The following ASTN1 variants were observed in gnomAD, a reference collection of about 807,000 sequenced individuals.
ASTN1 encodes astrotactin-1.
ASTN1 carries 41 observed loss-of-function variants against 140.7 expected under a neutral mutation model. The ratio of observed to expected loss-of-function variants is 0.29; its 90% confidence interval spans 0.23 to 0.38. ASTN1 has a LOEUF of 0.38. Ranked by LOEUF, ASTN1 falls within the 10% of genes least tolerant of loss-of-function variation. The pLI, the probability that ASTN1 is intolerant of heterozygous loss-of-function variation, is 1.00. For missense variants in ASTN1, 1,479 were observed against 1,678.8 expected (o/e 0.88, Z 2.08); for synonymous variants, 640 against 652.2 (o/e 0.98, Z 0.29).
chr1:176,861,598 T>C lies in ASTN1; in HGVS notation c.*2686A>G. On this transcript the variant is annotated 3_prime_UTR_variant, in exon 23 of 23. Transcript: ENST00000361833. ...AGTCAATTGTACAACCATCCTAAGA[T>C]TTTCCCCTGCCCTGTTCATATCAGC... 2.0e-6 allele frequency: 2 copies of C among 985,560 alleles called. No individual in the cohort carries two copies. The highest frequency in any genetic ancestry group is 2.4e-6 in the Non-Finnish European group (2 of 829,954). 61.1% of individuals were successfully genotyped at this position (985,560 alleles called of 1,614,324 possible).
At chr1:176,988,329 A>AAC (rs1558012693) in intron 8 of ASTN1, among the ~76,000 whole-genome samples, 2 of 151,724 alleles carry the variant, frequency 1.3e-5, no homozygotes, top group African/African-American at 4.8e-5. Context: ...AAAAAAAAAA[A>AAC]AAAACCTTTC....
intron 8 of ASTN1, among the ~76,000 whole-genome samples, chr1:177,006,388 AT>A (rs1323317408): frequency 1.3e-5 from 2 of 151,266 alleles, no homozygotes; most frequent in Non-Finnish European, 2.9e-5. Context: ...TAATGAATGT[AT>A]TTTTTTCTAT....
chr1:176,902,144 C>T (rs939370965), intron 16 of ASTN1, among the ~76,000 whole-genome samples: 1 of 151,690 alleles, frequency 6.6e-6, no homozygotes, highest in African/African-American at 2.4e-5. Context: ...CTGGAATGTT[C>T]GAGAAAAGAT....
chr1:177,153,974 C>G (rs1030210232), intron 1 of ASTN1, among the ~76,000 whole-genome samples: 4 of 152,110 alleles, frequency 2.6e-5, no homozygotes, highest in African/African-American at 9.7e-5. Context: ...AATATTAATA[C>G]TACTGATGAG....
Position 176,949,329 on chromosome 1 carries a change from A to G in ASTN1, c.1910T>C (p.Met637Thr), listed in dbSNP as rs1244131323. Residue 637 changes from methionine to threonine, a missense_variant, in exon 12 of 23, where the codon ATG becomes ACG. Physicochemically the swap from Met to Thr is moderately conservative, Grantham distance 81. This residue lies in a region of ASTN1 where 729 missense variants were observed against 860.4 expected (regional missense o/e 0.85). Transcript: ENST00000361833. ...GCVCPSGLSP[M>T]KDSSGCYDRH... ...GTCATAGCAGCCAGAGCTGTCCTTCATGGGACTGAGTCCAGATGGGCACTG... is the reference window on the plus strand; with the variant it reads ...GTCATAGCAGCCAGAGCTGTCCTTCGTGGGACTGAGTCCAGATGGGCACTG... 8.1e-6 allele frequency: 13 copies of G among 1,614,052 alleles called. No individual in the cohort carries two copies. Among genetic ancestry groups the G allele is most frequent in the Non-Finnish European group, 1.1e-5 (13 of 1,180,012 alleles).
In ASTN1 at chr1:177,034,844, C is replaced by T. The variant is rs112811391; in HGVS notation, c.472-1995G>A. Reference sequence around the variant, plus strand: ...AGACATTGAATTAAGCTAGTGAAAACGAGAGGTAATTTTATTCCCTAAGGA... The same window carrying T: ...AGACATTGAATTAAGCTAGTGAAAATGAGAGGTAATTTTATTCCCTAAGGA... On this transcript the variant is annotated intron_variant, in intron 2 of 22. Coordinates refer to ENST00000361833, the MANE Select transcript of ASTN1 (RefSeq NM_004319.3). 5.2e-3 allele frequency among the ~76,000 whole-genome samples: 786 copies of T among 152,274 alleles called. 5 individuals carry two copies. Among genetic ancestry groups the T allele is most frequent in the Non-Finnish European group, 6.7e-3 (459 of 68,028 alleles).
intron 11 of ASTN1, among the ~76,000 whole-genome samples, chr1:176,949,861 G>T (rs918265654): frequency 6.6e-6 from 1 of 152,198 alleles, no homozygotes; most frequent in African/African-American, 2.4e-5. Context: ...CCTGAAGGAG[G>T]AAGTGAACAT....
At chr1:177,131,588 A>G (rs1373666343) in intron 1 of ASTN1, among the ~76,000 whole-genome samples, 1 of 152,144 alleles carries the variant, frequency 6.6e-6, no homozygotes, top group Non-Finnish European at 1.5e-5. Flanking sequence ...TTTAAATGAA[A>G]AACCAAGATT....
At chr1:177,103,133 G>A (rs1021472617) in intron 1 of ASTN1, among the ~76,000 whole-genome samples, 6 of 152,212 alleles carry the variant, frequency 3.9e-5, no homozygotes, top group Non-Finnish European at 8.8e-5. Context: ...TACCATGTGA[G>A]CATTAGTGCA....
chr1:176,924,343 T>C (rs1269983642), intron 16 of ASTN1, among the ~76,000 whole-genome samples: 1 of 152,198 alleles, frequency 6.6e-6, no homozygotes, highest in Non-Finnish European at 1.5e-5. Flanking sequence ...CTGTTTCCCA[T>C]CTCTGCATGA....
chr1:177,088,723 T>C (rs1352031452), intron 1 of ASTN1, among the ~76,000 whole-genome samples: 2 of 152,172 alleles, frequency 1.3e-5, no homozygotes, highest in African/African-American at 4.8e-5. Flanking sequence ...TTTCTGCCCC[T>C]CTGCCTTCCA....
intron 16 of ASTN1, among the ~76,000 whole-genome samples, chr1:176,896,061 A>G (rs1669489086): frequency 6.6e-6 from 1 of 152,170 alleles, no homozygotes; most frequent in South Asian, 2.1e-4. Flanking sequence ...GATATGACTC[A>G]TCGACTTTAT....
At chr1:177,146,580 T>C (rs1682729471) in intron 1 of ASTN1, among the ~76,000 whole-genome samples, 1 of 152,314 alleles carries the variant, frequency 6.6e-6, no homozygotes, top group South Asian at 2.1e-4. Flanking sequence ...TTACACAATT[T>C]CAAAAACCCT....
intron 8 of ASTN1, among the ~76,000 whole-genome samples, chr1:176,994,863 C>T (rs966990594): frequency 4.6e-5 from 7 of 151,956 alleles, no homozygotes; most frequent in Non-Finnish European, 1.0e-4. Context: ...GCTATTATTA[C>T]TCATCTTTTT....
intron 1 of ASTN1, among the ~76,000 whole-genome samples, chr1:177,076,103 C>T (rs1332261029): frequency 6.6e-6 from 1 of 151,638 alleles, no homozygotes; most frequent in Non-Finnish European, 1.5e-5. Flanking sequence ...CATGGTGAAA[C>T]CCCATCTCTA....
intron 8 of ASTN1, among the ~76,000 whole-genome samples, chr1:177,009,048 G>A (rs1675153086): frequency 6.6e-6 from 1 of 152,186 alleles, no homozygotes; most frequent in South Asian, 2.1e-4. Context: ...CCCCACCTGA[G>A]TCACCTCAGA....
At chr1:176,942,859 TATATATAG>T (rs1671795742) in intron 14 of ASTN1, among the ~76,000 whole-genome samples, 1 of 104,140 alleles carries the variant, frequency 9.6e-6, no homozygotes, top group Admixed American at 1.1e-4. Flanking sequence ...TATATATATA[TATATATAG>T]ATTGATGTCT....
chr1:176,917,463 A>T (rs2103068593), intron 16 of ASTN1, among the ~76,000 whole-genome samples: 1 of 152,288 alleles, frequency 6.6e-6, no homozygotes, highest in Admixed American at 6.5e-5. Flanking sequence ...CCGTGGGAAG[A>T]CGTGCTTATC....
At chr1:177,006,607 A>G (rs1223653793) in intron 8 of ASTN1, among the ~76,000 whole-genome samples, 1 of 152,226 alleles carries the variant, frequency 6.6e-6, no homozygotes, top group Non-Finnish European at 1.5e-5. Flanking sequence ...TTTCTATAAA[A>G]TTGAAACAAT....
Sources: allele counts gnomAD v4.1 joint callset (sites outside exome capture counted in the v4.1 genomes callset), GRCh38; gene constraint gnomAD v4.1.1; regional missense constraint gnomAD v4.1.1; transcripts MANE v1.5; gene names NCBI Gene and HGNC (gene_info 2026-07-23, HGNC 2026-07-21).